The following EDAR variants were observed in gnomAD, a reference collection of about 807,000 sequenced individuals.
The protein encoded by EDAR is tumor necrosis factor receptor superfamily member EDAR.
In EDAR, 38 loss-of-function variants were observed where a neutral mutation model predicts 51.3. The observed-to-expected ratio is 0.74, with a 90% CI of 0.57 to 0.97. The LOEUF is 0.97. Among genes scored for constraint, EDAR ranks in the 50% least tolerant of loss-of-function variants. The pLI is 0.00. For missense variants in EDAR, 528 were observed against 595.0 expected (o/e 0.89, Z 1.17); for synonymous variants, 227 against 242.1 (o/e 0.94, Z 0.58).
chr2:108,922,385 G>A (rs908948809), intron 5 of EDAR, among the ~76,000 whole-genome samples: 2 of 152,240 alleles, frequency 1.3e-5, no homozygotes, highest in African/African-American at 4.8e-5. Context: ...TTAGCATATG[G>A]CTGGCCAGGA....
intron 4 of EDAR, among the ~76,000 whole-genome samples, 161 bp downstream of exon 4, chr2:108,929,037 G>A (rs902387026): frequency 6.6e-6 from 1 of 152,230 alleles, no homozygotes; most frequent in African/African-American, 2.4e-5. Flanking sequence ...AGGACTCTCC[G>A]TCCTGGATGC....
intron 1 of EDAR, among the ~76,000 whole-genome samples, chr2:108,957,014 T>A (rs558470078): frequency 6.6e-6 from 1 of 152,328 alleles, no homozygotes; most frequent in East Asian, 1.9e-4. Flanking sequence ...GGTGTCAAAC[T>A]CCCGACCTCA....
At chr2:108,935,331 G>A (rs1406965473) in intron 1 of EDAR, among the ~76,000 whole-genome samples, 1 of 152,066 alleles carries the variant, frequency 6.6e-6, no homozygotes, top group Non-Finnish European at 1.5e-5. Context: ...GCTCAAAGTG[G>A]GGCCCCTGGA....
intron 1 of EDAR, among the ~76,000 whole-genome samples, chr2:108,945,086 G>A (rs543777373): frequency 6.6e-6 from 1 of 152,294 alleles, no homozygotes; most frequent in South Asian, 2.1e-4. Flanking sequence ...AATGCGCAAA[G>A]GAGTTGTGAC....
chr2:108,937,369 TGTGA>T (rs766308088), intron 1 of EDAR, among the ~76,000 whole-genome samples: 36 of 152,184 alleles, frequency 2.4e-4, no homozygotes, highest in Non-Finnish European at 4.4e-4. Context: ...AACATATGGG[TGTGA>T]GTGTGTGCAT....
At chr2:108,983,826 T>A (rs1384422950) in intron 1 of EDAR, among the ~76,000 whole-genome samples, 1 of 152,180 alleles carries the variant, frequency 6.6e-6, no homozygotes, top group African/African-American at 2.4e-5. Flanking sequence ...TCTGAACCCG[T>A]TCTCCAACAA....
In EDAR at chr2:108,907,508, T is replaced by C. The variant is rs1308104958; in HGVS notation, c.963+352A>G. ...TAAAATATAAAAAAAATTAGCTGGG[T>C]GTGGCAGCGTGCACCTGTAGTCCTA... On this transcript the variant is annotated intron_variant, in intron 10 of 11. Coordinates refer to ENST00000258443, the MANE Select transcript of EDAR (RefSeq NM_022336.4). Among the ~76,000 whole-genome samples the C allele has an allele frequency of 2.0e-5, 3 of 151,804 alleles. No homozygotes were observed. In the East Asian group the frequency reaches 5.8e-4, roughly 29 times the overall value.
chr2:108,968,814 G>A (rs1477972314), intron 1 of EDAR, among the ~76,000 whole-genome samples: 1 of 152,214 alleles, frequency 6.6e-6, no homozygotes, highest in Non-Finnish European at 1.5e-5. Context: ...CTGAGATGAT[G>A]TCATCTCCAG....
intron 5 of EDAR, among the ~76,000 whole-genome samples, chr2:108,917,223 C>G (rs180808349): frequency 1.3e-5 from 2 of 152,206 alleles, no homozygotes; most frequent in Admixed American, 1.3e-4. Flanking sequence ...ACGCGCGGCT[C>G]GTGTGGAAGC....
rs1329706677 is a variant in EDAR, at chr2:108,989,175, TC to T, written c.-235del. The T allele has an allele frequency of 1.3e-5, 2 of 152,828 alleles. No homozygotes were observed. The highest frequency in any genetic ancestry group is 1.3e-4 in the Admixed American group (2 of 15,288). 9.5% of individuals were successfully genotyped at this position (152,828 alleles called of 1,614,324 possible). The stretch of plus-strand genomic sequence containing the variant: ...CCGCTTCCTTTCCGTTTAAAGGGCT[TC>T]CCGGGAACTCTTCCTTGACCGCTCC... On this transcript the variant is annotated 5_prime_UTR_variant, in exon 1 of 12. Transcript: ENST00000258443.
At chr2:108,983,391 C>G (rs1474667852) in intron 1 of EDAR, among the ~76,000 whole-genome samples, 1 of 152,028 alleles carries the variant, frequency 6.6e-6, no homozygotes, top group Non-Finnish European at 1.5e-5. Context: ...TGTTTATTAC[C>G]CAAGGACACA....
intron 5 of EDAR, 49 bp downstream of exon 5, chr2:108,923,319 G>T (rs1697186128): frequency 3.8e-6 from 6 of 1,564,330 alleles, no homozygotes; most frequent in Non-Finnish European, 5.3e-6. Flanking sequence ...TAGTGAAAGG[G>T]ATCCGTGCTG....
In EDAR at chr2:108,956,784, C is replaced by CT. The variant is rs967646109; in HGVS notation, c.-18-25753dup. Reference sequence around the variant, plus strand: ...GCTCAGCAGGAAAGGCGAAAGCTCTCTTTTTTTTTTTGTTTTTTTTGAGAC... The same window carrying CT: ...GCTCAGCAGGAAAGGCGAAAGCTCTCTTTTTTTTTTTTGTTTTTTTTGAGAC... On this transcript the variant is annotated intron_variant, in intron 1 of 11. Transcript: ENST00000258443. Among the ~76,000 whole-genome samples, 672 of 123,534 alleles carry CT rather than the reference C, an allele frequency of 5.4e-3. 10 individuals carry two copies. Among genetic ancestry groups the CT allele is most frequent in the African/African-American group, 0.021 (566 of 26,592 alleles). 81.0% of individuals were successfully genotyped at this position (123,534 alleles called of 152,430 possible).
intron 1 of EDAR, among the ~76,000 whole-genome samples, chr2:108,933,029 C>T (rs536696672): frequency 1.2e-4 from 19 of 152,286 alleles, no homozygotes; most frequent in Middle Eastern, 3.4e-3. Flanking sequence ...TAAGATGGTA[C>T]GCTTGTTTAT....
At chr2:108,976,164 C>T (rs533528093) in intron 1 of EDAR, among the ~76,000 whole-genome samples, 2 of 152,320 alleles carry the variant, frequency 1.3e-5, no homozygotes, top group Admixed American at 6.5e-5. Context: ...TCCCACTTTA[C>T]ATTTAATCAT....
chr2:108,911,642 C>T (rs1696931300), intron 6 of EDAR, among the ~76,000 whole-genome samples: 1 of 152,190 alleles, frequency 6.6e-6, no homozygotes, highest in African/African-American at 2.4e-5. Flanking sequence ...GGATTTTGCT[C>T]AGTTCCCAGG....
rs185788673 is a variant in EDAR at position 108,927,099 on chromosome 2, C to T, written c.356+2099G>A. 5.3e-5 allele frequency among the ~76,000 whole-genome samples: 8 copies of T among 152,312 alleles called. No homozygotes were observed. The East Asian group carries it at 7.7e-4, about 15-fold the overall frequency. The stretch of plus-strand genomic sequence containing the variant: ...CTGGCAGTGAGGCTTTGAGCAGACA[C>T]AGCACATCATGGAGCCAACCTGGAA... On this transcript the variant is annotated intron_variant, in intron 4 of 11. Transcript: ENST00000258443.
intron 6 of EDAR, among the ~76,000 whole-genome samples, 191 bp downstream of exon 6, chr2:108,912,487 G>A (rs898214372): frequency 6.6e-6 from 1 of 152,172 alleles, no homozygotes; most frequent in Non-Finnish European, 1.5e-5. Context: ...CCCATAGAGG[G>A]ATCAACTCTG....
rs1303767807 is a variant in EDAR at position 108,907,877 on chromosome 2, T to C, written c.946A>G (p.Ser316Gly). The C allele has an allele frequency of 1.2e-6, 2 of 1,613,608 alleles. No homozygotes were observed. The highest frequency in any genetic ancestry group is 2.7e-5 in the African/African-American group (2 of 75,042). ...AGCCTCACCCCGGCTGACTTGTTGC[T>C]GGTGGCAGACTTCTCCCTGGCCAGG... The part of the protein sequence containing the change: ...VHLAREKSAT[S>G]NKSAGIQSRR... The change falls in exon 10 of 12, where the codon AGC becomes GGC. Residue 316 changes from serine (S) to glycine (G), a missense_variant. By Grantham distance (56) the Ser-to-Gly change is moderately conservative. Transcript: ENST00000258443.
Sources: allele counts gnomAD v4.1 joint callset (sites outside exome capture counted in the v4.1 genomes callset), GRCh38; gene constraint gnomAD v4.1.1; transcripts MANE v1.5; gene names NCBI Gene and HGNC (gene_info 2026-07-23, HGNC 2026-07-21).